The following TP63 variants were observed in gnomAD, a reference collection of about 807,000 sequenced individuals.
TP63 encodes the protein tumor protein 63.
Under a neutral mutation model 82.8 loss-of-function variants are expected in TP63, and 17 were observed. The observed-to-expected ratio is 0.21, with a 90% CI of 0.14 to 0.31. TP63 has a LOEUF of 0.31. Among genes scored for constraint, TP63 ranks in the 10% least tolerant of loss-of-function variants. TP63 has a pLI of 1.00. For missense variants in TP63, 648 were observed against 895.3 expected (o/e 0.72, Z 3.52); for synonymous variants, 330 against 321.7 (o/e 1.03, Z -0.28).
intron 10 of TP63, chr3:189,880,208 GTT>G (rs773114667): frequency 6.2e-7 from 1 of 1,607,078 alleles, no homozygotes; most frequent in South Asian, 1.1e-5. Flanking sequence ...AAGTGTGTGT[GTT>G]GTATTTCCAT....
chr3:189,701,750 T>A (rs1054858894), intron 1 of TP63, among the ~76,000 whole-genome samples: 1 of 151,914 alleles, frequency 6.6e-6, no homozygotes, highest in Non-Finnish European at 1.5e-5. Context: ...TATCATTTAC[T>A]AGATAAGTGA....
chr3:189,783,638 C>G (rs1724388564), intron 3 of TP63, among the ~76,000 whole-genome samples: 1 of 151,572 alleles, frequency 6.6e-6, no homozygotes, highest in African/African-American at 2.4e-5. Flanking sequence ...GACACTACTC[C>G]CTCAACAGAG....
chr3:189,855,742 A>G (rs1716213254), intron 4 of TP63, among the ~76,000 whole-genome samples: 1 of 152,060 alleles, frequency 6.6e-6, no homozygotes, highest in Non-Finnish European at 1.5e-5. Flanking sequence ...GTGTATGCAC[A>G]GAAAACGGTC....
In TP63 at chr3:189,804,351, A is replaced by G. The variant is rs115477349; in HGVS notation, c.325-3921A>G. Among the ~76,000 whole-genome samples the G allele has an allele frequency of 9.9e-3, 1,502 of 152,342 alleles. 20 individuals are homozygous for G. The highest frequency in any genetic ancestry group is 0.035 in the African/African-American group (1,441 of 41,566). On this transcript the variant is annotated intron_variant, in intron 3 of 13. Coordinates refer to ENST00000264731, the MANE Select transcript of TP63 (RefSeq NM_003722.5). Reference sequence around the variant, plus strand: ...CTTGACCTGGGACAGCTTCATGGGCATAAAAACTGCAATTGGTCACACAGG... The same window carrying G: ...CTTGACCTGGGACAGCTTCATGGGCGTAAAAACTGCAATTGGTCACACAGG...
chr3:189,796,935 G>A (rs1404793003), intron 3 of TP63, among the ~76,000 whole-genome samples: 1 of 152,042 alleles, frequency 6.6e-6, no homozygotes, highest in East Asian at 1.9e-4. Context: ...ATCATTGTAT[G>A]GATTCGAGCT....
the TP63 span, among the ~76,000 whole-genome samples, chr3:189,603,420 C>A: frequency 6.6e-5 from 10 of 151,878 alleles, no homozygotes; most frequent in African/African-American, 2.2e-4. Context: ...AGACCTATTT[C>A]CTTCATAGTA....
chr3:189,598,281 G>T, the TP63 span, among the ~76,000 whole-genome samples: 1 of 150,886 alleles, frequency 6.6e-6, no homozygotes, highest in Non-Finnish European at 1.5e-5. Context: ...AGTAGAGGAG[G>T]GGAGGAAAGG....
At position 189,894,790 on chromosome 3, in the gene TP63, A is replaced by G; in HGVS notation, c.*288A>G. ...TCTCCTTAAGCTGCAGAGATTTCTCATTGACTTTTATAAAGCATGTTCACC... is the reference window on the plus strand; with the variant it reads ...TCTCCTTAAGCTGCAGAGATTTCTCGTTGACTTTTATAAAGCATGTTCACC... On this transcript the variant is annotated 3_prime_UTR_variant, in exon 14 of 14. Transcript: ENST00000264731. 1 of 444,796 alleles carries G rather than the reference A, an allele frequency of 2.2e-6. No individual in the cohort carries two copies. The allele number at this position is 444,796 out of a possible 1,614,324, so 27.6% of individuals were successfully genotyped here.
At chr3:189,880,471 G>T in intron 10 of TP63, 1 of 1,046,630 alleles carries the variant, frequency 9.6e-7, no homozygotes, top group Non-Finnish European at 1.2e-6. Context: ...TTTCCTGGGA[G>T]GGAGGGGTCA....
chr3:189,786,976 T>C (rs2108586260), intron 3 of TP63, among the ~76,000 whole-genome samples: 1 of 152,204 alleles, frequency 6.6e-6, no homozygotes, highest in Non-Finnish European at 1.5e-5. Flanking sequence ...AATCAATGCA[T>C]GATATTTACA....
intron 1 of TP63, among the ~76,000 whole-genome samples, chr3:189,731,798 A>G (rs1720195087): frequency 6.6e-6 from 1 of 152,184 alleles, no homozygotes; most frequent in African/African-American, 2.4e-5. Flanking sequence ...CTTGACAAAA[A>G]CCTTTGAACA....
At chr3:189,654,556 G>T (rs959899491) in intron 1 of TP63, among the ~76,000 whole-genome samples, 3 of 152,018 alleles carry the variant, frequency 2.0e-5, no homozygotes, top group African/African-American at 7.2e-5. Flanking sequence ...CTTTTCAATG[G>T]AATCTTTGTG....
At chr3:189,800,272 T>C (rs1726146414) in intron 3 of TP63, among the ~76,000 whole-genome samples, 1 of 152,032 alleles carries the variant, frequency 6.6e-6, no homozygotes, top group South Asian at 2.1e-4. Flanking sequence ...TTTCAAATAG[T>C]GCCTCACAGG....
chr3:189,626,846 C>A (rs1419278216), upstream of TP63, among the ~76,000 whole-genome samples: 1 of 152,142 alleles, frequency 6.6e-6, no homozygotes, highest in African/African-American at 2.4e-5. Flanking sequence ...ACAGCCCTTT[C>A]TGAGATGTGT....
intron 1 of TP63, among the ~76,000 whole-genome samples, chr3:189,640,257 A>T (rs915533231): frequency 6.6e-6 from 1 of 152,054 alleles, no homozygotes; most frequent in Admixed American, 6.6e-5. Context: ...CCCTTTTGTT[A>T]TCTCAGGCAA....
chr3:189,896,221 T>C lies in TP63; in HGVS notation c.*1719T>C, dbSNP rs1721459719. ...GGGCCAGCGTGGCTCTAAAAGGTAA[T>C]GTGTGGATTGCCTCTGAAAAGTGTG... On this transcript the variant is annotated 3_prime_UTR_variant, in exon 14 of 14. Coordinates refer to ENST00000264731, the MANE Select transcript of TP63 (RefSeq NM_003722.5). 2 of 221,398 alleles carry C rather than the reference T, an allele frequency of 9.0e-6. No individual in the cohort carries two copies. Among genetic ancestry groups the C allele is most frequent in the Admixed American group, 1.2e-4 (2 of 17,364 alleles). The allele number at this position is 221,398 out of a possible 1,614,324, so 13.7% of individuals were successfully genotyped here. A position where few individuals can be genotyped will look rare whatever the true frequency, so the allele number is the denominator to read the frequency against.
intron 3 of TP63, among the ~76,000 whole-genome samples, chr3:189,781,999 A>C (rs1236447506): frequency 1.3e-5 from 2 of 152,192 alleles, no homozygotes; most frequent in Non-Finnish European, 2.9e-5. Context: ...TAACAGGTTG[A>C]AAACCTGAGG....
chr3:189,787,327 C>T (rs1724688032), intron 3 of TP63, among the ~76,000 whole-genome samples: 3 of 152,078 alleles, frequency 2.0e-5, no homozygotes, highest in Admixed American at 2.0e-4. Context: ...TTGTAATTGT[C>T]TTTAGAAATC....
At chr3:189,867,688 T>A (rs1717900004) in intron 6 of TP63, 145 bp from the exon 7 acceptor site, 2 of 763,558 alleles carry the variant, frequency 2.6e-6, no homozygotes, top group Non-Finnish European at 4.5e-6. Context: ...AAGAAAAATC[T>A]ACAACAGGGT....
Sources: allele counts gnomAD v4.1 joint callset (sites outside exome capture counted in the v4.1 genomes callset), GRCh38; gene constraint gnomAD v4.1.1; transcripts MANE v1.5; gene names NCBI Gene and HGNC (gene_info 2026-07-23, HGNC 2026-07-21).